Variants in ADNP2 observed in about 807,000 individuals in gnomAD.
ADNP2 encodes activity-dependent neuroprotector homeobox protein 2.
In ADNP2, 8 loss-of-function variants were observed where a neutral mutation model predicts 16.4. The observed-to-expected ratio is 0.49, with a 90% CI of 0.29 to 0.88. The LOEUF (loss-of-function observed/expected upper bound fraction) is 0.88. Ranked by LOEUF, ADNP2 falls within the 40% of genes least tolerant of loss-of-function variation. The probability of loss-of-function intolerance (pLI) is 0.09; values close to 1 mark genes in which losing one functional copy is unlikely to be tolerated. For synonymous variants in ADNP2, 637 were observed against 545.8 expected (o/e 1.17, Z -2.33); for missense variants, 1,397 against 1,395.1 (o/e 1.00, Z -0.02).
At chr18:80,120,887 G>T (rs961965356) in intron 2 of ADNP2, among the ~76,000 whole-genome samples, 1 of 152,110 alleles carries the variant, frequency 6.6e-6, no homozygotes, top group African/African-American at 2.4e-5. Flanking sequence ...TCTGTTGGTG[G>T]ACACTTGGAT....
Position 80,137,084 on chromosome 18 carries a change from C to T in ADNP2, c.1671C>T (p.Gly557=). 2 of 1,614,182 alleles carry T rather than the reference C, an allele frequency of 1.2e-6. No individual in the cohort carries two copies. Residue 557 remains glycine (G), a synonymous_variant, in exon 4 of 4, where the codon GGC becomes GGT. Coordinates refer to ENST00000262198, the MANE Select transcript of ADNP2 (RefSeq NM_014913.4). The surrounding 1 kb of genome is among the most constrained non-coding windows in gnomAD (Gnocchi z 4.2). ...TTGTGTCGGGAGTTCTTCCTGTGGG[C>T]CAGCCAGTGAGGCCTGGGGTCTTGC... ...QPVVSGVLPV[G]QPVRPGVLQL...
intron 2 of ADNP2, among the ~76,000 whole-genome samples, chr18:80,119,200 G>A (rs2052408514): frequency 6.6e-6 from 1 of 152,106 alleles, no homozygotes; most frequent in Non-Finnish European, 1.5e-5. Flanking sequence ...TCCATGTGAA[G>A]TGCGTTTATT....
rs140055983 is a variant in ADNP2 at position 80,137,805 on chromosome 18, A to T, written c.2392A>T (p.Lys798Ter). 1.2e-6 allele frequency: 2 copies of T among 1,614,188 alleles called. No individual in the cohort carries two copies. Among genetic ancestry groups the T allele is most frequent in the East Asian group, 2.2e-5 (1 of 44,886 alleles). ...CAGGAATAGGCACCTGGGGAAGAAG[A>T]AGTTGCCTATGGATTATAGCAACAG... ...HSRNRHLGKKKLPMDYSNRGF... is the reference protein window; with the variant it reads ...HSRNRHLGKK Residue 798 changes from lysine to a stop codon, truncating the protein, a stop_gained, in exon 4 of 4, where the codon AAG (lysine) becomes TAG (stop). Coordinates refer to ENST00000262198, the MANE Select transcript of ADNP2 (RefSeq NM_014913.4). LOFTEE classifies it low-confidence loss of function (END_TRUNC). The surrounding 1 kb of genome is among the most constrained non-coding windows in gnomAD (Gnocchi z 4.2).
intron 2 of ADNP2, among the ~76,000 whole-genome samples, chr18:80,130,921 AT>A (rs1308084822): frequency 2.0e-5 from 3 of 152,202 alleles, no homozygotes; most frequent in Non-Finnish European, 2.9e-5. Flanking sequence ...TTGGGATCCC[AT>A]CTGTCTTATC....
chr18:80,136,759 T>TGAC lies in ADNP2; in HGVS notation c.1346_1347insGAC (p.Leu449_Pro450insThr). The stretch of plus-strand genomic sequence containing the variant: ...AGTCGGGCGGTCCCGTCTGGAGTCC[T>TGAC]TCCTGCAGGCCAGATGACTCCTGCA... On this transcript the variant is annotated inframe_insertion, in exon 4 of 4. Coordinates refer to ENST00000262198, the MANE Select transcript of ADNP2 (RefSeq NM_014913.4). 1 of 1,613,176 alleles carries TGAC rather than the reference T, an allele frequency of 6.2e-7. No individual in the cohort carries two copies. Among genetic ancestry groups the TGAC allele is most frequent in the African/African-American group, 1.3e-5 (1 of 74,972 alleles).
chr18:80,133,244 C>T, intron 3 of ADNP2, 52 bp downstream of exon 3: 1 of 1,423,164 alleles, frequency 7.0e-7, no homozygotes, highest in South Asian at 1.2e-5. Flanking sequence ...TGAGCAGTGA[C>T]TGTAAATGTG....
In ADNP2 at chr18:80,136,223, A is replaced by G. The variant is rs750535475; in HGVS notation, c.810A>G (p.Pro270=). The G allele has an allele frequency of 2.3e-5, 37 of 1,614,164 alleles. No individual in the cohort carries two copies. The highest frequency in any genetic ancestry group is 3.1e-5 in the Non-Finnish European group (36 of 1,180,056). The stretch of plus-strand genomic sequence containing the variant: ...AGCAAACGCACATTGCTCCAAAACC[A>G]GCAGCACATTTGGCTGCACCAGCAA... The part of the protein sequence containing the change: ...LLKQTHIAPK[P]AAHLAAPANG... Residue 270 remains proline (P), a synonymous_variant, in exon 4 of 4, where the codon CCA becomes CCG. Transcript: ENST00000262198.
intron 2 of ADNP2, among the ~76,000 whole-genome samples, chr18:80,120,282 A>G (rs1433484531): frequency 2.6e-5 from 4 of 152,150 alleles, no homozygotes; most frequent in Admixed American, 2.0e-4. Context: ...GGCTTTGTGC[A>G]GCTGTGCTAG....
At chr18:80,118,074 T>C (rs1323725588) in intron 2 of ADNP2, among the ~76,000 whole-genome samples, 1 of 152,220 alleles carries the variant, frequency 6.6e-6, no homozygotes, top group African/African-American at 2.4e-5. Flanking sequence ...TCTGTCCTTA[T>C]AACATTGAGA....
chr18:80,111,234 T>C (rs1285962970), intron 1 of ADNP2, among the ~76,000 whole-genome samples: 3 of 152,188 alleles, frequency 2.0e-5, no homozygotes, highest in Non-Finnish European at 4.4e-5. Context: ...TGTATTCCAA[T>C]AGTTGGGACA....
chr18:80,137,105 C>G lies in ADNP2; in HGVS notation c.1692C>G (p.Val564=), dbSNP rs752466701. Residue 564 remains valine, a synonymous_variant, in exon 4 of 4, where the codon GTC becomes GTG. Coordinates refer to ENST00000262198, the MANE Select transcript of ADNP2 (RefSeq NM_014913.4). The surrounding 1 kb of genome is among the most constrained non-coding windows in gnomAD (Gnocchi z 4.2). ...LPVGQPVRPG[V]LQLNQTVGTN... is the part of the protein sequence containing the mutation. ...TGGGCCAGCCAGTGAGGCCTGGGGTCTTGCAACTCAACCAGACTGTGGGCA... is the reference window on the plus strand; with the variant it reads ...TGGGCCAGCCAGTGAGGCCTGGGGTGTTGCAACTCAACCAGACTGTGGGCA... The G allele has an allele frequency of 6.2e-7, 1 of 1,614,160 alleles. No homozygotes were observed. Among genetic ancestry groups the G allele is most frequent in the Non-Finnish European group, 8.5e-7 (1 of 1,180,026 alleles).
chr18:80,112,309 T>A (rs2052362740), intron 1 of ADNP2, among the ~76,000 whole-genome samples: 1 of 152,116 alleles, frequency 6.6e-6, no homozygotes, highest in Non-Finnish European at 1.5e-5. Context: ...AATGGATAAA[T>A]TATGGGTAAA....
At chr18:80,135,352 A>G (rs1200119632) in intron 3 of ADNP2, among the ~76,000 whole-genome samples, 2 of 152,228 alleles carry the variant, frequency 1.3e-5, no homozygotes, top group Non-Finnish European at 2.9e-5. Context: ...ATAAATTACA[A>G]ATTATTTTGG....
intron 1 of ADNP2, among the ~76,000 whole-genome samples, chr18:80,112,372 T>C (rs1316028559): frequency 6.6e-6 from 1 of 152,124 alleles, no homozygotes; most frequent in African/African-American, 2.4e-5. Context: ...ACCTGTAATT[T>C]ACTTGCATTT....
chr18:80,119,590 T>C (rs1457874402), intron 2 of ADNP2, among the ~76,000 whole-genome samples: 1 of 152,188 alleles, frequency 6.6e-6, no homozygotes, highest in Non-Finnish European at 1.5e-5. Flanking sequence ...GACTTCAATC[T>C]TAGCAAGAGT....
chr18:80,134,409 G>GTC (rs1270647939), intron 3 of ADNP2, among the ~76,000 whole-genome samples: 1 of 145,222 alleles, frequency 6.9e-6, no homozygotes, highest in East Asian at 2.0e-4. Flanking sequence ...GTGTGTGTGT[G>GTC]TGTGTGTGTG....
intron 2 of ADNP2, among the ~76,000 whole-genome samples, chr18:80,132,023 T>G (rs2052500163): frequency 6.6e-6 from 1 of 152,230 alleles, no homozygotes; most frequent in African/African-American, 2.4e-5. Flanking sequence ...TGAAGTACTT[T>G]TTTGTTTCTT....
intron 1 of ADNP2, among the ~76,000 whole-genome samples, chr18:80,110,802 TAAG>T (rs2052352507): frequency 6.6e-6 from 1 of 152,074 alleles, no homozygotes; most frequent in South Asian, 2.1e-4. Context: ...AGATGTGTGT[TAAG>T]AAAGGAAGTA....
chr18:80,123,401 C>T (rs1281691345), intron 2 of ADNP2, among the ~76,000 whole-genome samples: 2 of 151,666 alleles, frequency 1.3e-5, no homozygotes, highest in African/African-American at 2.4e-5. Context: ...GAGGGAGTTG[C>T]GTTCTTATTG....
Sources: allele counts gnomAD v4.1 joint callset (sites outside exome capture counted in the v4.1 genomes callset), GRCh38; gene constraint gnomAD v4.1.1; non-coding constraint Gnocchi (gnomAD v3.1); transcripts MANE v1.5; gene names NCBI Gene and HGNC (gene_info 2026-07-23, HGNC 2026-07-21).